Variants in KIAA0040 observed in about 807,000 individuals in gnomAD.
KIAA0040 encodes the protein KIAA0040, also known as uncharacterized protein KIAA0040.
KIAA0040 carries 10 observed loss-of-function variants against 7.2 expected under a neutral mutation model. The ratio of observed to expected loss-of-function variants is 1.38; its 90% CI spans 0.85 to 2.34. The LOEUF (loss-of-function observed/expected upper bound fraction) is 2.34. Among genes scored for constraint, KIAA0040 ranks in the 30% most tolerant of loss-of-function variants. The pLI is 0.00. For synonymous variants in KIAA0040, 49 were observed against 40.1 expected (o/e 1.22, Z -0.84); for missense variants, 89 against 108.2 (o/e 0.82, Z 0.79).
chr1:175,173,828 C>A (rs1333916504), intron 2 of KIAA0040, among the ~76,000 whole-genome samples: 1 of 152,206 alleles, frequency 6.6e-6, no homozygotes, highest in Non-Finnish European at 1.5e-5. Context: ...TATGCTGGGG[C>A]CCCAAGGCAT....
rs568957281 is a variant in KIAA0040, at chr1:175,157,693, C to G, written c.*3021G>C. The stretch of plus-strand genomic sequence containing the variant: ...CTACCTTTCTCCCTCCCTGCTCCCC[C>G]CAAGAAAAAGAAACATGGAATCCAT... On this transcript the variant is annotated 3_prime_UTR_variant, in exon 4 of 4. Transcript: ENST00000423313. 1.1e-4 allele frequency: 17 copies of G among 152,094 alleles called. 1 individual carries two copies. Among genetic ancestry groups the G allele is most frequent in the Admixed American group, 8.5e-4 (13 of 15,278 alleles). 9.4% of individuals were successfully genotyped at this position (152,094 alleles called of 1,614,324 possible).
Position 175,160,195 on chromosome 1 carries a change from C to T in KIAA0040, c.*519G>A, listed in dbSNP as rs574137484. ...TATGGAATAGATGGTGTATGGGGGCCTTGCTGGTTAGGAAATTGTATATAT... is the reference window on the plus strand; with the variant it reads ...TATGGAATAGATGGTGTATGGGGGCTTTGCTGGTTAGGAAATTGTATATAT... On this transcript the variant is annotated 3_prime_UTR_variant, in exon 4 of 4. Coordinates refer to ENST00000423313, the MANE Select transcript of KIAA0040 (RefSeq NM_014656.3). 6.4e-6 allele frequency: 1 copy of T among 155,620 alleles called. No individual in the cohort carries two copies. Among genetic ancestry groups the T allele is most frequent in the South Asian group, 2.1e-4 (1 of 4,878 alleles). The allele number at this position is 155,620 out of a possible 1,614,324, so 9.6% of individuals were successfully genotyped here.
chr1:175,190,888 C>T (rs549085269), intron 1 of KIAA0040, among the ~76,000 whole-genome samples: 3 of 152,314 alleles, frequency 2.0e-5, no homozygotes, highest in African/African-American at 4.8e-5. Context: ...ACACGCTATT[C>T]CCTACCTGCC....
upstream of KIAA0040, chr1:175,192,888 C>T (rs1482250802): frequency 6.6e-6 from 1 of 150,774 alleles, no homozygotes; most frequent in Non-Finnish European, 1.5e-5. Flanking sequence ...GCAGCGCCCT[C>T]TGTGTTCCCT....
chr1:175,176,669 C>CTTTTTTTTTTTTTTT lies in KIAA0040; in HGVS notation c.-310+927_-310+941dup, dbSNP rs34859478. On this transcript the variant is annotated intron_variant, in intron 2 of 3. Coordinates refer to ENST00000423313, the MANE Select transcript of KIAA0040 (RefSeq NM_014656.3). ...ATCCAGTGTCAGGTTAAGTAGCATG[C>CTTTTTTTTTTTTTTT]TTTTTTTTTTTTTTTTTTTTTTTTT... Among the ~76,000 whole-genome samples, 43 of 27,466 alleles carry CTTTTTTTTTTTTTTT rather than the reference C, an allele frequency of 1.6e-3. 13 individuals carry two copies. Among genetic ancestry groups the CTTTTTTTTTTTTTTT allele is most frequent in the Admixed American group, 5.3e-3 (6 of 1,126 alleles). The allele number at this position is 27,466 out of a possible 152,430, so 18.0% of individuals were successfully genotyped here. A position where few individuals can be genotyped will look rare whatever the true frequency, so the allele number is the denominator to read the frequency against.
intron 1 of KIAA0040, among the ~76,000 whole-genome samples, chr1:175,179,519 T>A (rs865983440): frequency 6.6e-6 from 1 of 152,144 alleles, no homozygotes; most frequent in Non-Finnish European, 1.5e-5. Flanking sequence ...TAAACTGAAA[T>A]GAAATATCAC....
chr1:175,164,956 G>A (rs1008651257), intron 3 of KIAA0040, among the ~76,000 whole-genome samples: 2 of 152,208 alleles, frequency 1.3e-5, no homozygotes, highest in African/African-American at 4.8e-5. Context: ...GAATAGCACT[G>A]ACAATGCTTG....
At chr1:175,181,788 T>G (rs1677448343) in intron 1 of KIAA0040, among the ~76,000 whole-genome samples, 2 of 152,094 alleles carry the variant, frequency 1.3e-5, no homozygotes, top group African/African-American at 4.8e-5. Context: ...ACCTGCAAGG[T>G]GCATAGAATG....
At chr1:175,187,805 C>A (rs910259236) in intron 1 of KIAA0040, among the ~76,000 whole-genome samples, 1 of 152,066 alleles carries the variant, frequency 6.6e-6, no homozygotes, top group Non-Finnish European at 1.5e-5. Context: ...AATGTGAAGA[C>A]TAAACATACT....
intron 2 of KIAA0040, among the ~76,000 whole-genome samples, chr1:175,167,714 T>C (rs1259441939): frequency 6.6e-6 from 1 of 151,920 alleles, no homozygotes; most frequent in Non-Finnish European, 1.5e-5. Flanking sequence ...CCAAGGGTGA[T>C]GGTGGTCGGA....
chr1:175,180,586 C>T (rs1677398678), intron 1 of KIAA0040, among the ~76,000 whole-genome samples: 1 of 152,178 alleles, frequency 6.6e-6, no homozygotes, highest in African/African-American at 2.4e-5. Flanking sequence ...GCAGTATGCT[C>T]AAATACCAGG....
chr1:175,179,935 T>C (rs548299084), intron 1 of KIAA0040, among the ~76,000 whole-genome samples: 3 of 152,288 alleles, frequency 2.0e-5, no homozygotes, highest in African/African-American at 7.2e-5. Context: ...AATGCAACAA[T>C]GAGGGCAGCA....
intron 2 of KIAA0040, among the ~76,000 whole-genome samples, chr1:175,174,955 AAT>A (rs1370725927): frequency 6.6e-6 from 1 of 152,142 alleles, no homozygotes; most frequent in African/African-American, 2.4e-5. Context: ...TTTTGGAGCC[AAT>A]GTTTGTGGGT....
rs558178074 is a variant in KIAA0040, at chr1:175,162,149, GC to G, written c.-133-1004del. Among the ~76,000 whole-genome samples the G allele has an allele frequency of 1.8e-4, 27 of 152,318 alleles. No individual in the cohort carries two copies. In the South Asian group the frequency reaches 1.9e-3, roughly 11 times the overall value. On this transcript the variant is annotated intron_variant, in intron 3 of 3. Coordinates refer to ENST00000423313, the MANE Select transcript of KIAA0040 (RefSeq NM_014656.3). The stretch of plus-strand genomic sequence containing the variant: ...TCTCAAGTATAAGGTCTTAGAGGCT[GC>G]CTTCCATTCTGGAATTACAGGTTCT...
intron 2 of KIAA0040, among the ~76,000 whole-genome samples, chr1:175,171,054 T>G (rs1196268075): frequency 6.6e-6 from 1 of 152,250 alleles, no homozygotes; most frequent in Non-Finnish European, 1.5e-5. Context: ...TTTGTCCCTT[T>G]GCCTGGTATG....
intron 1 of KIAA0040, among the ~76,000 whole-genome samples, chr1:175,186,121 T>C (rs533689644): frequency 2.2e-4 from 34 of 152,330 alleles, no homozygotes; most frequent in African/African-American, 7.9e-4. Flanking sequence ...GAGGGGTGAT[T>C]GCACAATATT....
chr1:175,183,227 T>C (rs147089304), intron 1 of KIAA0040, among the ~76,000 whole-genome samples: 1 of 152,350 alleles, frequency 6.6e-6, no homozygotes, highest in African/African-American at 2.4e-5. Flanking sequence ...CCACTTGACA[T>C]TAAGCTATTA....
intron 2 of KIAA0040, among the ~76,000 whole-genome samples, chr1:175,173,989 G>A (rs1159972566): frequency 1.3e-5 from 2 of 152,154 alleles, no homozygotes; most frequent in African/African-American, 2.4e-5. Context: ...GCCACAATCT[G>A]CTGGAGCTTT....
intron 2 of KIAA0040, among the ~76,000 whole-genome samples, chr1:175,169,186 C>T (rs74714275): frequency 0.015 from 2,237 of 152,290 alleles, 59 homozygotes; most frequent in African/African-American, 0.052. Flanking sequence ...TATTAATTAC[C>T]ATTGCATATA....
Sources: gnomAD v4.1 joint callset for allele counts (sites outside exome capture counted in the v4.1 genomes callset) on GRCh38, gnomAD v4.1.1 for gene constraint, MANE v1.5 for transcripts, NCBI Gene and HGNC (gene_info 2026-07-23, HGNC 2026-07-21) for gene names.